GNAL: variants seen among roughly 807,000 people sequenced by gnomAD.
GNAL encodes guanine nucleotide-binding protein G(olf) subunit alpha.
A neutral mutation model predicts 55.1 loss-of-function variants in GNAL; 18 were observed. That is an observed-to-expected ratio of 0.33 (90% CI 0.23 to 0.48). The LOEUF is 0.48. Among genes scored for constraint, GNAL ranks in the 20% least tolerant of loss-of-function variants. The pLI is 0.99. For missense variants in GNAL, 412 were observed against 614.1 expected, an observed-to-expected ratio of 0.67 and a Z score of 3.48; for synonymous variants, 253 against 237.0, an observed-to-expected ratio of 1.07 and a Z score of -0.62.
intron 4 of GNAL, among the ~76,000 whole-genome samples, chr18:11,760,850 T>C (rs2033216844): frequency 6.6e-6 from 1 of 152,234 alleles, no homozygotes; most frequent in Non-Finnish European, 1.5e-5. Flanking sequence ...CCAGACCCTT[T>C]GTATGTGACC....
intron 1 of GNAL, among the ~76,000 whole-genome samples, chr18:11,729,315 ACT>A (rs1356326578): frequency 1.3e-5 from 2 of 151,638 alleles, no homozygotes; most frequent in Non-Finnish European, 2.9e-5. Context: ...GTGGGTTTTC[ACT>A]CTTTTGCCCA....
chr18:11,723,441 C>T (rs542024321), intron 1 of GNAL, among the ~76,000 whole-genome samples: 74 of 152,282 alleles, frequency 4.9e-4, no homozygotes, highest in African/African-American at 1.7e-3. Flanking sequence ...GTTTGCTAAT[C>T]CCTGGTCTAG....
At chr18:11,715,242 A>G (rs9964864) in intron 1 of GNAL, among the ~76,000 whole-genome samples, 2,033 of 151,860 alleles carry the variant, frequency 0.013, 47 homozygotes, top group African/African-American at 0.046. Flanking sequence ...GGCGGATCAC[A>G]AGGTCAGGAG....
chr18:11,748,269 A>G (rs937676993), intron 1 of GNAL, among the ~76,000 whole-genome samples: 2 of 152,210 alleles, frequency 1.3e-5, no homozygotes, highest in African/African-American at 2.4e-5. Flanking sequence ...TGTGGCACAC[A>G]ATGCAGGTAA....
chr18:11,752,698 GC>G lies in GNAL; in HGVS notation c.377-152del. The G allele has an allele frequency of 1.6e-6, 2 of 1,225,274 alleles. No homozygotes were observed. Among genetic ancestry groups the G allele is most frequent in the Non-Finnish European group, 2.2e-6 (2 of 902,760 alleles). 75.9% of individuals were successfully genotyped at this position (1,225,274 alleles called of 1,614,324 possible). On this transcript the variant is annotated intron_variant, in intron 1 of 11. Coordinates refer to ENST00000334049, the MANE Select transcript of GNAL (RefSeq NM_182978.4). The surrounding 1 kb of genome is among the most constrained non-coding windows in gnomAD (Gnocchi z 4.5). ...GTCGCGCGCACCTCTGGGCCGCGGA[GC>G]CCAGACGGCGGCCGGGGCGAGCTCC...
intron 1 of GNAL, among the ~76,000 whole-genome samples, chr18:11,720,445 A>G (rs1161309381): frequency 6.6e-6 from 1 of 152,254 alleles, no homozygotes; most frequent in Non-Finnish European, 1.5e-5. Context: ...AGCAGATGTC[A>G]TCTGTCAATG....
At chr18:11,788,468 A>G (rs1282233475) in intron 4 of GNAL, among the ~76,000 whole-genome samples, 1 of 152,140 alleles carries the variant, frequency 6.6e-6, no homozygotes, top group Non-Finnish European at 1.5e-5. Context: ...TTTTCTCTGT[A>G]CTTACACTCC....
chr18:11,884,229 G>A lies in GNAL; in HGVS notation c.*3094G>A. The A allele has an allele frequency of 1.9e-6, 1 of 538,134 alleles. No homozygotes were observed. The highest frequency in any genetic ancestry group is 5.1e-4 in the Middle Eastern group (1 of 1,956). The allele number at this position is 538,134 out of a possible 1,614,324, so 33.3% of individuals were successfully genotyped here. A position where few individuals can be genotyped will look rare whatever the true frequency, so the allele number is the denominator to read the frequency against. ...TGATACATATATTTGATAAAAATGAGAAAACAGATTTGTTGTAGAGTACCT... is the reference window on the plus strand; with the variant it reads ...TGATACATATATTTGATAAAAATGAAAAAACAGATTTGTTGTAGAGTACCT... On this transcript the variant is annotated 3_prime_UTR_variant, in exon 12 of 12. Transcript: ENST00000334049.
At chr18:11,825,158 G>T in intron 5 of GNAL, 143 bp downstream of exon 5, 1 of 603,310 alleles carries the variant, frequency 1.7e-6, no homozygotes, top group Non-Finnish European at 2.9e-6. Context: ...CTTTTAAAAT[G>T]AGACATGTTT....
At chr18:11,797,914 A>G (rs150954239) in intron 4 of GNAL, among the ~76,000 whole-genome samples, 450 of 152,370 alleles carry the variant, frequency 3.0e-3, no homozygotes, top group African/African-American at 9.9e-3. Flanking sequence ...GAGCTAGTGT[A>G]GTTACATACA....
At chr18:11,792,364 T>C (rs2034263523) in intron 4 of GNAL, among the ~76,000 whole-genome samples, 1 of 152,162 alleles carries the variant, frequency 6.6e-6, no homozygotes, top group Non-Finnish European at 1.5e-5. Flanking sequence ...TTTTGCATTT[T>C]TAGTAGAGAT....
intron 1 of GNAL, among the ~76,000 whole-genome samples, chr18:11,699,516 G>A (rs2143311802): frequency 6.6e-6 from 1 of 151,886 alleles, no homozygotes; most frequent in Middle Eastern, 3.4e-3. Flanking sequence ...TGCCCAGCTG[G>A]GTCTAAATTT....
intron 1 of GNAL, among the ~76,000 whole-genome samples, chr18:11,744,949 A>T (rs2032657011): frequency 6.6e-6 from 1 of 152,142 alleles, no homozygotes; most frequent in African/African-American, 2.4e-5. Flanking sequence ...GAGCTCAGGC[A>T]ATCTGCCCCT....
intron 4 of GNAL, among the ~76,000 whole-genome samples, chr18:11,799,323 A>G (rs1216934904): frequency 6.6e-6 from 1 of 152,194 alleles, no homozygotes; most frequent in Non-Finnish European, 1.5e-5. Context: ...TCTTAGGGAA[A>G]GTGTAAAGCC....
chr18:11,842,637 T>C (rs2035644184), intron 5 of GNAL, among the ~76,000 whole-genome samples: 5 of 152,042 alleles, frequency 3.3e-5, no homozygotes. Flanking sequence ...ACAATAGGGT[T>C]CGTGCTCCTA....
chr18:11,782,799 A>C (rs1292983165), intron 4 of GNAL, among the ~76,000 whole-genome samples: 1 of 152,250 alleles, frequency 6.6e-6, no homozygotes, highest in South Asian at 2.1e-4. Context: ...GTTTAGAAAC[A>C]TGTATCTTTC....
chr18:11,881,068 G>T lies in GNAL; in HGVS notation c.1310G>T (p.Arg437Leu), dbSNP rs774941073. The change falls in exon 12 of 12, where the codon CGC becomes CTC. Residue 437 changes from arginine (R) to leucine (L), a missense_variant. Physicochemically the swap from Arg to Leu is moderately radical, Grantham distance 102. This residue lies in a region of GNAL where 79 missense variants were observed against 127.1 expected (regional missense o/e 0.62). Coordinates refer to ENST00000334049, the MANE Select transcript of GNAL (RefSeq NM_182978.4). The surrounding 1 kb of genome is among the most constrained non-coding windows in gnomAD (Gnocchi z 4.8). The stretch of plus-strand genomic sequence containing the variant: ...TGCGCCGTGGACACAGAGAACATCC[G>T]CAGGGTGTTCAACGACTGCCGCGAC... ...FTCAVDTENIRRVFNDCRDII... is the reference protein window; with the variant it reads ...FTCAVDTENILRVFNDCRDII... 6.2e-7 allele frequency: 1 copy of T among 1,613,392 alleles called. No individual in the cohort carries two copies. Among genetic ancestry groups the T allele is most frequent in the Non-Finnish European group, 8.5e-7 (1 of 1,179,604 alleles).
chr18:11,732,432 A>G (rs11876903), intron 1 of GNAL, among the ~76,000 whole-genome samples: 4,584 of 152,304 alleles, frequency 0.03, 85 homozygotes, highest in African/African-American at 0.044. Flanking sequence ...AATGTTGAGT[A>G]TCATTTCTTA....
intron 4 of GNAL, among the ~76,000 whole-genome samples, chr18:11,789,636 T>G (rs1368826599): frequency 6.6e-6 from 1 of 152,228 alleles, no homozygotes; most frequent in African/African-American, 2.4e-5. Context: ...GTACTTTAAG[T>G]GGATTGTTCT....
Sources: gnomAD v4.1 joint callset for allele counts (sites outside exome capture counted in the v4.1 genomes callset) on GRCh38, gnomAD v4.1.1 for gene constraint, gnomAD v4.1.1 regional missense constraint, Gnocchi (gnomAD v3.1) non-coding constraint, MANE v1.5 for transcripts, NCBI Gene and HGNC (gene_info 2026-07-23, HGNC 2026-07-21) for gene names.